Variants in BDP1 observed in about 807,000 individuals in gnomAD.
BDP1 encodes the protein transcription factor TFIIIB component B'' homolog.
Under a neutral mutation model 266.6 loss-of-function variants are expected in BDP1, and 169 were observed. The ratio of observed to expected loss-of-function variants is 0.63; its 90% CI spans 0.56 to 0.72. BDP1 has a LOEUF of 0.72. Ranked by LOEUF, BDP1 falls within the 30% of genes least tolerant of loss-of-function variation. BDP1 has a pLI of 0.00. For synonymous variants in BDP1, 1,090 were observed against 1,022.4 expected (o/e 1.07, Z -1.26); for missense variants, 3,015 against 3,053.8 (o/e 0.99, Z 0.30).
chr5:71,491,392 T>G (rs1195146212), intron 11 of BDP1, among the ~76,000 whole-genome samples: 1 of 152,200 alleles, frequency 6.6e-6, no homozygotes, highest in South Asian at 2.1e-4. Context: ...ATTGTAGCTT[T>G]CTTTTGGTTG....
intron 17 of BDP1, among the ~76,000 whole-genome samples, chr5:71,511,942 T>C (rs1334300118): frequency 6.6e-6 from 1 of 152,154 alleles, no homozygotes; most frequent in African/African-American, 2.4e-5. Context: ...AAAGTTCTTT[T>C]TGTTTTTTCA....
At chr5:71,457,315 T>G (rs1290009369) in intron 1 of BDP1, among the ~76,000 whole-genome samples, 1 of 151,732 alleles carries the variant, frequency 6.6e-6, no homozygotes, top group Admixed American at 6.6e-5. Context: ...TGGTTTTTTT[T>G]TTTTTTTTTA....
rs947509919 is a variant in BDP1, at chr5:71,502,684, A to G, written c.2134A>G (p.Lys712Glu). The change falls in exon 15 of 39, where the codon AAG becomes GAG. Residue 712 changes from lysine (K) to glutamate (E), a missense_variant. Coordinates refer to ENST00000358731, the MANE Select transcript of BDP1 (RefSeq NM_018429.3). ...VQVRGRLQKPKPNAGKAAERK... is the reference protein window; with the variant it reads ...VQVRGRLQKPEPNAGKAAERK... ...AGTGAGGGGCCGATTGCAAAAGCCA[A>G]AGCCAAATGCAGGTAAAGCTGCTGA... 6.2e-7 allele frequency: 1 copy of G among 1,614,106 alleles called. No homozygotes were observed.
Position 71,553,254 on chromosome 5 carries a change from C to T in BDP1, c.7134C>T (p.Asp2378=), listed in dbSNP as rs1742982379. The T allele has an allele frequency of 1.9e-6, 3 of 1,613,226 alleles. No individual in the cohort carries two copies. The highest frequency in any genetic ancestry group is 2.5e-6 in the Non-Finnish European group (3 of 1,179,924). The change falls in exon 35 of 39, where the codon GAC becomes GAT. Residue 2378 remains aspartate (D), a synonymous_variant. Transcript: ENST00000358731. The stretch of plus-strand genomic sequence containing the variant: ...TTCAATGCAGGCTTGATAAAAATGA[C>T]CACATTCCTCCTGCCAAAAAACGTT... The part of the protein sequence containing the change: ...KRFQCRLDKN[D]HIPPAKKRSL...
At chr5:71,484,076 G>A (rs1392783556) in intron 8 of BDP1, among the ~76,000 whole-genome samples, 180 bp downstream of exon 8, 1 of 152,090 alleles carries the variant, frequency 6.6e-6, no homozygotes, top group East Asian at 1.9e-4. Flanking sequence ...AAATATATTG[G>A]CAGGAGATTA....
chr5:71,560,021 G>T lies in BDP1; in HGVS notation c.7280G>T (p.Gly2427Val). Residue 2427 changes from glycine (G) to valine (V), a missense_variant, in exon 37 of 39, where the codon GGA becomes GTA. This residue lies in a region of BDP1 where 629 missense variants were observed against 632.5 expected (regional missense o/e 0.99). Transcript: ENST00000358731. ...GGACAAGATATTTTTCTTACCTCAG[G>T]AAGCACACTGACAACTCCAGAACCT... ...HKGQDIFLTS[G>V]STLTTPEPQR... 6.2e-7 allele frequency: 1 copy of T among 1,613,790 alleles called. No individual in the cohort carries two copies. The highest frequency in any genetic ancestry group is 8.5e-7 in the Non-Finnish European group (1 of 1,180,006).
intron 7 of BDP1, among the ~76,000 whole-genome samples, chr5:71,474,309 C>T (rs1245149865): frequency 6.6e-6 from 1 of 150,600 alleles, no homozygotes; most frequent in African/African-American, 2.4e-5. Flanking sequence ...ATCACTAGAG[C>T]TGTGTCCCAC....
the BDP1 span, among the ~76,000 whole-genome samples, chr5:71,573,818 T>G: frequency 0.44 from 67,496 of 152,060 alleles, 15,381 homozygotes; most frequent in South Asian, 0.55. Context: ...CACTAAACGT[T>G]CCTGGGCCAC....
intron 7 of BDP1, among the ~76,000 whole-genome samples, chr5:71,483,203 G>T (rs918641863): frequency 6.6e-6 from 1 of 152,136 alleles, no homozygotes; most frequent in Admixed American, 6.6e-5. Context: ...CCTCTCCTAC[G>T]ATGTGTTTGC....
At chr5:71,478,290 C>G (rs1688747799) in intron 7 of BDP1, among the ~76,000 whole-genome samples, 1 of 152,060 alleles carries the variant, frequency 6.6e-6, no homozygotes, top group Admixed American at 6.6e-5. Flanking sequence ...AAACAGCTCT[C>G]TCTCTCTACA....
chr5:71,511,075 C>T lies in BDP1; in HGVS notation c.3983C>T (p.Thr1328Ile). The T allele has an allele frequency of 1.2e-6, 2 of 1,614,142 alleles. No homozygotes were observed. The highest frequency in any genetic ancestry group is 1.1e-5 in the South Asian group (1 of 91,082). ...PRENELEETS[T>I]SRQTDTHLMQ... ...GAAAACGAGCTAGAGGAGACCAGTA[C>T]CTCAAGACAAACTGACACACATTTA... is the stretch of plus-strand genomic sequence containing the variant. The change falls in exon 17 of 39, where the codon ACC (threonine) becomes ATC (isoleucine). Residue 1328 changes from threonine (T) to isoleucine (I), a missense_variant. Thr to Ile is a moderately conservative substitution (Grantham distance 89). Around this residue, in one of 3 missense-constraint regions of BDP1, gnomAD observed 2,383 missense variants for 2,404.9 expected, o/e 0.99. Coordinates refer to ENST00000358731, the MANE Select transcript of BDP1 (RefSeq NM_018429.3).
intron 34 of BDP1, among the ~76,000 whole-genome samples, chr5:71,552,774 A>G (rs1292752466): frequency 1.3e-5 from 2 of 152,264 alleles, no homozygotes; most frequent in Admixed American, 6.5e-5. Flanking sequence ...GCAGCAGTAC[A>G]GTCCAGCTTC....
At chr5:71,539,718 C>A in intron 28 of BDP1, 69 bp downstream of exon 28, 1 of 1,021,290 alleles carries the variant, frequency 9.8e-7, no homozygotes, top group Non-Finnish European at 1.5e-6. Flanking sequence ...ATTATACCCA[C>A]ATTTGAGTAA....
the BDP1 span, among the ~76,000 whole-genome samples, chr5:71,573,001 G>T: frequency 6.6e-6 from 1 of 152,122 alleles, no homozygotes; most frequent in Non-Finnish European, 1.5e-5. Context: ...GGCCAAGGCG[G>T]GTGGATCATT....
rs1300442624 is a variant in BDP1, at chr5:71,470,445, A to G, written c.970A>G (p.Met324Val). 5 of 1,612,818 alleles carry G rather than the reference A, an allele frequency of 3.1e-6. No individual in the cohort carries two copies. Among genetic ancestry groups the G allele is most frequent in the African/African-American group, 2.7e-5 (2 of 74,908 alleles). ...CAGCATGGTAGGAACTGACTTTTCT[A>G]TGATCGGACAACTTTTTCCTCACAG... ...AISMVGTDFS[M>V]IGQLFPHRAR... Residue 324 changes from methionine (M) to valine (V), a missense_variant, in exon 7 of 39, where the codon ATG (methionine) becomes GTG (valine). Met to Val is a conservative substitution (Grantham distance 21). Coordinates refer to ENST00000358731, the MANE Select transcript of BDP1 (RefSeq NM_018429.3).
intron 16 of BDP1, among the ~76,000 whole-genome samples, chr5:71,506,742 ATGTT>A (rs200199470): frequency 0.016 from 2,310 of 146,274 alleles, 58 homozygotes; most frequent in African/African-American, 0.055. Flanking sequence ...TGATTTGGTG[ATGTT>A]TGTTTGGAGG....
At chr5:71,502,055 A>G (rs140941752) in intron 14 of BDP1, among the ~76,000 whole-genome samples, 1 of 152,274 alleles carries the variant, frequency 6.6e-6, no homozygotes, top group East Asian at 1.9e-4. Context: ...GTTCTACATT[A>G]TTCTATAGTA....
chr5:71,563,261 T>A (rs1743806953), intron 38 of BDP1, among the ~76,000 whole-genome samples: 1 of 152,116 alleles, frequency 6.6e-6, no homozygotes, highest in Non-Finnish European at 1.5e-5. Context: ...GATTCTCCTG[T>A]CTCAGCTTCT....
At chr5:71,554,905 C>T (rs1332710986) in intron 35 of BDP1, among the ~76,000 whole-genome samples, 1 of 152,144 alleles carries the variant, frequency 6.6e-6, no homozygotes, top group African/African-American at 2.4e-5. Flanking sequence ...AACAGTTCCA[C>T]ATCCCAAACC....
Sources: gnomAD v4.1 joint callset for allele counts (sites outside exome capture counted in the v4.1 genomes callset) on GRCh38, gnomAD v4.1.1 for gene constraint, gnomAD v4.1.1 regional missense constraint, MANE v1.5 for transcripts, NCBI Gene and HGNC (gene_info 2026-07-23, HGNC 2026-07-21) for gene names.